MICAL2: variants seen among roughly 807,000 people sequenced by gnomAD.
The protein encoded by MICAL2 is microtubule associated monooxygenase, calponin and LIM domain containing 2.
In MICAL2, 77 loss-of-function variants were observed where a neutral mutation model predicts 127.3. That is an observed-to-expected ratio of 0.60 (90% CI 0.50 to 0.73). The LOEUF (loss-of-function observed/expected upper bound fraction) is 0.73. Among genes scored for constraint, MICAL2 ranks in the 30% least tolerant of loss-of-function variants. The pLI, the probability that MICAL2 is intolerant of heterozygous loss-of-function variation, is 0.00. For missense variants in MICAL2, 1,351 were observed against 1,434.4 expected, an observed-to-expected ratio of 0.94 and a Z score of 0.94; for synonymous variants, 570 against 551.1, an observed-to-expected ratio of 1.03 and a Z score of -0.48.
intron 25 of MICAL2, among the ~76,000 whole-genome samples, chr11:12,259,226 A>G (rs1406025954): frequency 6.6e-6 from 1 of 152,254 alleles, no homozygotes; most frequent in Non-Finnish European, 1.5e-5. Flanking sequence ...GACATTTTGT[A>G]ACATCCCTTT....
intron 29 of MICAL2, among the ~76,000 whole-genome samples, chr11:12,306,676 G>T (rs58476701): frequency 6.6e-6 from 1 of 151,980 alleles, no homozygotes; most frequent in Non-Finnish European, 1.5e-5. Context: ...CAATAGTGTC[G>T]CCTTTCCTAG....
chr11:12,272,881 TA>T (rs139998007), upstream of MICAL2, among the ~76,000 whole-genome samples: 1,316 of 152,276 alleles, frequency 8.6e-3, 17 homozygotes, highest in African/African-American at 0.03. Context: ...CAGGCCCACT[TA>T]AAGCCTCTGC....
intron 24 of MICAL2, among the ~76,000 whole-genome samples, chr11:12,269,460 A>G (rs1431669266): frequency 1.3e-5 from 2 of 152,216 alleles, no homozygotes; most frequent in African/African-American, 2.4e-5. Context: ...AGCTTCCCTG[A>G]TACTCTGGAG....
intron 3 of MICAL2, among the ~76,000 whole-genome samples, chr11:12,173,679 C>T (rs73414257): frequency 5.8e-4 from 89 of 152,260 alleles, no homozygotes; most frequent in African/African-American, 2.0e-3. Flanking sequence ...AACTTTGTGA[C>T]CATTATGCAA....
At chr11:12,236,747 A>G (rs1859123124) in intron 16 of MICAL2, among the ~76,000 whole-genome samples, 1 of 152,228 alleles carries the variant, frequency 6.6e-6, no homozygotes, top group Non-Finnish European at 1.5e-5. Flanking sequence ...GTCAAAGGAG[A>G]GCCTGAATCT....
At chr11:12,178,004 G>A (rs938287721) in intron 3 of MICAL2, among the ~76,000 whole-genome samples, 7 of 152,252 alleles carry the variant, frequency 4.6e-5, no homozygotes, top group African/African-American at 1.4e-4. Context: ...CTGATAAGAT[G>A]CTTGGTGGCT....
chr11:12,355,881 G>A (rs1411592716), intron 34 of MICAL2, among the ~76,000 whole-genome samples: 1 of 152,156 alleles, frequency 6.6e-6, no homozygotes, highest in African/African-American at 2.4e-5. Context: ...ACAGACTAAA[G>A]TGGTATAAAT....
At chr11:12,224,414 C>T in intron 12 of MICAL2, 1 of 430,822 alleles carries the variant, frequency 2.3e-6, no homozygotes, top group East Asian at 3.5e-5. Context: ...ATGTTGTTGG[C>T]AGGGCCTAAA....
At position 12,162,172 on chromosome 11, in the gene MICAL2, A is replaced by T; in HGVS notation, c.17A>T (p.Asp6Val). MGENE[D>V]EKQAQAGQVF... is the part of the protein sequence containing the mutation. Reference sequence around the variant, plus strand: ...TCCTGAACCATGGGGGAAAACGAGGATGAGAAGCAGGCCCAGGCGGGGCAG... The same window carrying T: ...TCCTGAACCATGGGGGAAAACGAGGTTGAGAAGCAGGCCCAGGCGGGGCAG... Residue 6 changes from aspartate to valine, a missense_variant, in exon 3 of 28, where the codon GAT becomes GTT. By Grantham distance (152) the Asp-to-Val change is radical. Around this residue, in one of 2 missense-constraint regions of MICAL2, gnomAD observed 599 missense variants for 714.9 expected, o/e 0.84. Transcript: ENST00000683283. 1 of 1,614,186 alleles carries T rather than the reference A, an allele frequency of 6.2e-7. No individual in the cohort carries two copies. Among genetic ancestry groups the T allele is most frequent in the Non-Finnish European group, 8.5e-7 (1 of 1,180,036 alleles).
chr11:12,258,369 A>C, intron 24 of MICAL2, 99 bp from the exon 25 acceptor site: 1 of 902,958 alleles, frequency 1.1e-6, no homozygotes, highest in East Asian at 2.4e-5. Context: ...CATCGTTACT[A>C]TTTTCTGACT....
At chr11:12,220,599 G>A (rs1469221480) in intron 9 of MICAL2, 141 bp downstream of exon 9, 5 of 1,229,384 alleles carry the variant, frequency 4.1e-6, no homozygotes, top group African/African-American at 3.0e-5. Context: ...AGCCTGTCCC[G>A]GCCTCAGAGC....
chr11:12,172,307 C>T (rs1354939914), intron 3 of MICAL2, among the ~76,000 whole-genome samples: 3 of 152,298 alleles, frequency 2.0e-5, no homozygotes, highest in South Asian at 2.1e-4. Flanking sequence ...ATGCCTGACA[C>T]ATAACATGTA....
intron 8 of MICAL2, among the ~76,000 whole-genome samples, chr11:12,218,878 G>A (rs898153717): frequency 6.6e-6 from 1 of 152,144 alleles, no homozygotes; most frequent in Non-Finnish European, 1.5e-5. Context: ...CCTTGGCTGG[G>A]TCCAGGATAT....
chr11:12,226,680 T>C (rs1194290394), intron 14 of MICAL2, among the ~76,000 whole-genome samples: 4 of 136,338 alleles, frequency 2.9e-5, no homozygotes, highest in Admixed American at 8.0e-5. Context: ...TGAGAGGGAG[T>C]CTCGCTTTGT....
chr11:12,343,411 A>AAAAAAAC (rs1179231682), intron 32 of MICAL2, among the ~76,000 whole-genome samples: 1 of 151,268 alleles, frequency 6.6e-6, no homozygotes, highest in Non-Finnish European at 1.5e-5. Context: ...CTCATTAAAA[A>AAAAAAAC]AAAAAAAAAA....
intron 3 of MICAL2, among the ~76,000 whole-genome samples, chr11:12,198,988 C>A (rs190787587): frequency 1.5e-4 from 23 of 152,294 alleles, no homozygotes; most frequent in Admixed American, 7.2e-4. Flanking sequence ...GAGCCAAGTC[C>A]TCTCACTTCA....
Position 12,255,761 on chromosome 11 carries a change from G to T in MICAL2, c.2955+11G>T, listed in dbSNP as rs1386236723. On this transcript the variant is annotated intron_variant, in intron 23 of 27. Transcript: ENST00000683283. ...ACCTCTCCAGACCTGGTAAGGACAT[G>T]CACCCCCAGCCTTCACCCACAGACA... 2 of 1,604,090 alleles carry T rather than the reference G, an allele frequency of 1.2e-6. No homozygotes were observed. Among genetic ancestry groups the T allele is most frequent in the South Asian group, 1.1e-5 (1 of 89,916 alleles).
intron 32 of MICAL2, among the ~76,000 whole-genome samples, chr11:12,341,597 C>T (rs1938866359): frequency 6.6e-6 from 1 of 152,096 alleles, no homozygotes; most frequent in Non-Finnish European, 1.5e-5. Flanking sequence ...GAGGCCAAGA[C>T]AGGCAGATTA....
chr11:12,218,691 C>T (rs1399864077), intron 8 of MICAL2, among the ~76,000 whole-genome samples: 1 of 152,148 alleles, frequency 6.6e-6, no homozygotes, highest in African/African-American at 2.4e-5. Flanking sequence ...TGGGGCCTGA[C>T]AAAGAGCTCT....
Sources: gnomAD v4.1 joint callset for allele counts (sites outside exome capture counted in the v4.1 genomes callset) on GRCh38, gnomAD v4.1.1 for gene constraint, gnomAD v4.1.1 regional missense constraint, MANE v1.5 for transcripts, NCBI Gene and HGNC (gene_info 2026-07-23, HGNC 2026-07-21) for gene names.